The following BEAN1 variants were observed in gnomAD, a reference collection of about 807,000 sequenced individuals.
BEAN1 encodes the protein brain expressed associated with NEDD4 1, also known as protein BEAN1.
Under a neutral mutation model 17.7 loss-of-function variants are expected in BEAN1, and 17 were observed. The ratio of observed to expected loss-of-function variants is 0.96; its 90% CI spans 0.66 to 1.44. The LOEUF (loss-of-function observed/expected upper bound fraction) is 1.44. Among genes scored for constraint, BEAN1 ranks in the 40% most tolerant of loss-of-function variants. The pLI is 0.00. For synonymous variants in BEAN1, 142 were observed against 151.8 expected (o/e 0.94, Z 0.47); for missense variants, 359 against 374.1 (o/e 0.96, Z 0.33).
chr16:66,474,557 AGAGGGAGGGAGAGAGGGAGGGAGAGAGG>A (rs1567504917), intron 3 of BEAN1, among the ~76,000 whole-genome samples: 1 of 75,932 alleles, frequency 1.3e-5, no homozygotes, highest in Non-Finnish European at 2.5e-5. Context: ...AGGGAGGGAG[AGAGGGAGGGAGAGAGGGAGGGAGAGAGG>A]GAGGGAGGGA....
intron 4 of BEAN1, chr16:66,479,216 A>G (rs1196795427): frequency 6.6e-6 from 1 of 152,374 alleles, no homozygotes; most frequent in Non-Finnish European, 1.5e-5. Context: ...TAGCCTGAGG[A>G]CACAGGCACC....
intron 2 of BEAN1, among the ~76,000 whole-genome samples, chr16:66,469,328 T>C (rs907999331): frequency 3.3e-5 from 5 of 152,220 alleles, no homozygotes; most frequent in African/African-American, 1.2e-4. Flanking sequence ...CTGAGCTTCC[T>C]GTTTCCTATC....
At chr16:66,459,299 A>C (rs1488099736) in intron 2 of BEAN1, among the ~76,000 whole-genome samples, 4 of 152,078 alleles carry the variant, frequency 2.6e-5, no homozygotes, top group Non-Finnish European at 5.9e-5. Flanking sequence ...CTTGGGGAAA[A>C]GGACAATCTC....
At chr16:66,494,645 T>C (rs1269131104), downstream of BEAN1, among the ~76,000 whole-genome samples, 1 of 152,196 alleles carries the variant, frequency 6.6e-6, no homozygotes, top group Non-Finnish European at 1.5e-5. Flanking sequence ...TGTAGACAAC[T>C]GGATGTGTAG....
chr16:66,449,401 A>T (rs1294254530), intron 2 of BEAN1, among the ~76,000 whole-genome samples: 1 of 152,152 alleles, frequency 6.6e-6, no homozygotes, highest in African/African-American at 2.4e-5. Flanking sequence ...TGAGATCGGG[A>T]GTTCGAGATC....
Position 66,469,861 on chromosome 16 carries a change from C to T in BEAN1, c.285C>T (p.Gly95=). The change falls in exon 3 of 5, where the codon GGC becomes GGT. Residue 95 remains glycine (G), a synonymous_variant. Coordinates refer to ENST00000536005, the MANE Select transcript of BEAN1 (RefSeq NM_001178020.3). ...RRRRHREYEH[G]YVSDEHTYSR... is the part of the protein sequence containing the mutation. ...GTCGACACCGAGAGTACGAGCACGG[C>T]TACGGTGAGCCGCCGCCCACCCTGG... The T allele has an allele frequency of 6.5e-7, 1 of 1,533,260 alleles. No homozygotes were observed. Among genetic ancestry groups the T allele is most frequent in the Non-Finnish European group, 8.7e-7 (1 of 1,145,802 alleles). 95.0% of individuals were successfully genotyped at this position (1,533,260 alleles called of 1,614,324 possible). A position where few individuals can be genotyped will look rare whatever the true frequency, so the allele number is the denominator to read the frequency against.
At chr16:66,467,670 C>T (rs1276528319) in intron 2 of BEAN1, among the ~76,000 whole-genome samples, 1 of 152,194 alleles carries the variant, frequency 6.6e-6, no homozygotes, top group African/African-American at 2.4e-5. Flanking sequence ...ATTCTCACAT[C>T]GGAGGGTCAG....
chr16:66,456,463 ACT>A (rs1962871603), intron 2 of BEAN1, among the ~76,000 whole-genome samples: 1 of 151,966 alleles, frequency 6.6e-6, no homozygotes, highest in Admixed American at 6.6e-5. Flanking sequence ...ATGCACAGTA[ACT>A]CCACTGGCAT....
chr16:66,472,938 C>T (rs1014621462), intron 3 of BEAN1, among the ~76,000 whole-genome samples: 4 of 151,796 alleles, frequency 2.6e-5, no homozygotes, highest in Admixed American at 1.3e-4. Flanking sequence ...GGGAGGGTCC[C>T]TTGAGCCCAG....
intron 4 of BEAN1, among the ~76,000 whole-genome samples, chr16:66,491,900 T>C (rs1451575805): frequency 1.3e-5 from 2 of 152,074 alleles, no homozygotes; most frequent in Non-Finnish European, 2.9e-5. Context: ...CCAGTACTGG[T>C]CCAAGGCCTG....
At chr16:66,429,190 G>A (rs1386370912) in intron 1 of BEAN1, among the ~76,000 whole-genome samples, 1 of 152,204 alleles carries the variant, frequency 6.6e-6, no homozygotes, top group Non-Finnish European at 1.5e-5. Flanking sequence ...GAAGCACCAG[G>A]GAGACAGCCT....
Position 66,469,833 on chromosome 16 carries a change from G to C in BEAN1, c.257G>C (p.Arg86Pro). 6.6e-7 allele frequency: 1 copy of C among 1,520,768 alleles called. No homozygotes were observed. Among genetic ancestry groups the C allele is most frequent in the Non-Finnish European group, 8.8e-7 (1 of 1,140,576 alleles). The allele number at this position is 1,520,768 out of a possible 1,614,324, so 94.2% of individuals were successfully genotyped here. A position where few individuals can be genotyped will look rare whatever the true frequency, so the allele number is the denominator to read the frequency against. The change falls in exon 3 of 5, where the codon CGG (arginine) becomes CCG (proline). Residue 86 changes from arginine to proline, a missense_variant. Transcript: ENST00000536005. ...CACCACCACCATCATCACCACCGCC[G>C]GCGTCGACACCGAGAGTACGAGCAC... ...RHHHHHHHHR[R>P]RRHREYEHGY...
In BEAN1 at chr16:66,493,016, CTG is replaced by C; in HGVS notation, c.203_204del (p.Leu68ArgfsTer16). On this transcript the variant is annotated frameshift_variant, in exon 5 of 5. Transcript: ENST00000561796. LOFTEE classifies it low-confidence loss of function (END_TRUNC). Reference sequence around the variant, plus strand: ...GCGATCTATGCTTTCCAGACACAAACTGGACGCCATCCTGGGCAGGCTGGGCT... The same window carrying C: ...GCGATCTATGCTTTCCAGACACAAACGACGCCATCCTGGGCAGGCTGGGCT... 1 of 703,018 alleles carries C rather than the reference CTG, an allele frequency of 1.4e-6. No homozygotes were observed. The allele number at this position is 703,018 out of a possible 1,614,324, so 43.5% of individuals were successfully genotyped here.
At chr16:66,465,384 A>G (rs1169789919) in intron 2 of BEAN1, among the ~76,000 whole-genome samples, 1 of 152,174 alleles carries the variant, frequency 6.6e-6, no homozygotes, top group Non-Finnish European at 1.5e-5. Context: ...TAGTTTTGGT[A>G]TCAGGGTAAT....
intron 2 of BEAN1, among the ~76,000 whole-genome samples, chr16:66,458,129 A>G (rs1322890736): frequency 6.6e-6 from 1 of 152,176 alleles, no homozygotes; most frequent in Admixed American, 6.5e-5. Flanking sequence ...AGCATCTCTG[A>G]GAGAGTGGGC....
rs1961926674 is a variant in BEAN1, at chr16:66,434,265, C to A, written c.-82-3330C>A. 6.6e-6 allele frequency among the ~76,000 whole-genome samples: 1 copy of A among 151,666 alleles called. No individual in the cohort carries two copies. Among genetic ancestry groups the A allele is most frequent in the African/African-American group, 2.4e-5 (1 of 41,250 alleles). ...CTGGCAAAGGAACCACAGTCCCAGC[C>A]CATCTGTGCCCCTCATGGCTGTCTC... On this transcript the variant is annotated intron_variant, in intron 1 of 4. Coordinates refer to ENST00000536005, the MANE Select transcript of BEAN1 (RefSeq NM_001178020.3). The surrounding 1 kb of genome is among the most constrained non-coding windows in gnomAD (Gnocchi z 4.3).
rs146500977 is a variant in BEAN1 at position 66,457,887 on chromosome 16, G to A, written c.26-11715G>A. The stretch of plus-strand genomic sequence containing the variant: ...CAGCCCTTCTTGAAGTCCCTGCTTA[G>A]AGGATGGGATCAGCCAATGGTGAAC... On this transcript the variant is annotated intron_variant, in intron 2 of 4. Coordinates refer to ENST00000536005, the MANE Select transcript of BEAN1 (RefSeq NM_001178020.3). 1.2e-4 allele frequency among the ~76,000 whole-genome samples: 19 copies of A among 152,212 alleles called. No homozygotes were observed. The East Asian group carries it at 2.1e-3, about 17-fold the overall frequency.
intron 1 of BEAN1, among the ~76,000 whole-genome samples, chr16:66,436,353 C>T (rs1411565353): frequency 1.9e-4 from 29 of 149,452 alleles, no homozygotes; most frequent in Admixed American, 1.1e-3. Flanking sequence ...CTGCAAGCTC[C>T]GCCTCCCAGG....
chr16:66,447,705 C>G (rs1471418818), intron 2 of BEAN1, among the ~76,000 whole-genome samples: 1 of 152,166 alleles, frequency 6.6e-6, no homozygotes, highest in Non-Finnish European at 1.5e-5. Flanking sequence ...GATGGAGTAA[C>G]TCAGGCAAAT....
Sources: allele counts gnomAD v4.1 joint callset (sites outside exome capture counted in the v4.1 genomes callset), GRCh38; gene constraint gnomAD v4.1.1; non-coding constraint Gnocchi (gnomAD v3.1); transcripts MANE v1.5; gene names NCBI Gene and HGNC (gene_info 2026-07-23, HGNC 2026-07-21).